Variants in LRRC39 observed in about 807,000 individuals in gnomAD.
The protein encoded by LRRC39 is leucine rich repeat containing 39.
Under a neutral mutation model 39.7 loss-of-function variants are expected in LRRC39, and 35 were observed. The ratio of observed to expected loss-of-function variants is 0.88; its 90% confidence interval spans 0.67 to 1.17. LRRC39 has a LOEUF of 1.17. Ranked by LOEUF, LRRC39 falls within the 50% of genes most tolerant of loss-of-function variation. The pLI is 0.00. For missense variants in LRRC39, 357 were observed against 385.8 expected, an observed-to-expected ratio of 0.93 and a Z score of 0.62; for synonymous variants, 113 against 134.1, an observed-to-expected ratio of 0.84 and a Z score of 1.09.
intron 2 of LRRC39, among the ~76,000 whole-genome samples, chr1:100,170,774 C>T (rs752104764): frequency 6.6e-5 from 10 of 151,848 alleles, no homozygotes; most frequent in Non-Finnish European, 1.3e-4. Context: ...AATATAGTGG[C>T]GGGATATGAC....
intron 9 of LRRC39, among the ~76,000 whole-genome samples, chr1:100,151,126 CAA>C (rs772782982): frequency 6.9e-5 from 3 of 43,668 alleles, no homozygotes; most frequent in East Asian, 9.0e-4. Context: ...AGAAACTCCT[CAA>C]AAAAAAAAAA....
At position 100,156,229 on chromosome 1, in the gene LRRC39, A is replaced by G. The variant is rs140341572; in HGVS notation, c.602T>C (p.Leu201Pro). The change falls in exon 7 of 10, where the codon CTT (leucine) becomes CCT (proline). Residue 201 changes from leucine (L) to proline (P), a missense_variant. Leu to Pro is a moderately conservative substitution (Grantham distance 98). Coordinates refer to ENST00000370137, the MANE Select transcript of LRRC39 (RefSeq NM_144620.4). ...IPLAVLNMPA[L>P]EWLDMGSNKL... ...GTTGCTTCCCATGTCCAGCCACTCA[A>G]GGGCAGGCATGTTCAACACAGCAAG... 1.2e-5 allele frequency: 20 copies of G among 1,613,868 alleles called. No individual in the cohort carries two copies. The African/African-American group carries it at 2.3e-4, about 18-fold the overall frequency.
chr1:100,167,438 GCTAA>G (rs953886163), intron 3 of LRRC39, among the ~76,000 whole-genome samples: 17 of 152,180 alleles, frequency 1.1e-4, no homozygotes, highest in African/African-American at 4.1e-4. Context: ...TTTGTTATTT[GCTAA>G]CTGACATCGG....
chr1:100,163,595 T>TA (rs11455249), intron 3 of LRRC39, among the ~76,000 whole-genome samples: 18,383 of 132,288 alleles, frequency 0.14, 1,482 homozygotes, highest in African/African-American at 0.23. Context: ...CAGCTTTTTC[T>TA]AAAAAAAAAA....
chr1:100,149,052 G>A lies in LRRC39; in HGVS notation c.998C>T (p.Thr333Met), dbSNP rs774133515. The change falls in exon 10 of 10, where the codon ACG becomes ATG. Residue 333 changes from threonine to methionine, a missense_variant. By Grantham distance (81) the Thr-to-Met change is moderately conservative. Coordinates refer to ENST00000370137, the MANE Select transcript of LRRC39 (RefSeq NM_144620.4). ...GSTTLPISIN[T>M]DG ...GCATCTTGAATTATATTATCCATCC[G>A]TATTTATGGAGATTGGTAAAGTAGT... is the stretch of plus-strand genomic sequence containing the variant. 1.7e-5 allele frequency: 27 copies of A among 1,597,590 alleles called. No individual in the cohort carries two copies. The highest frequency in any genetic ancestry group is 1.5e-4 in the South Asian group (13 of 87,676).
intron 2 of LRRC39, among the ~76,000 whole-genome samples, chr1:100,172,546 G>T (rs192759145): frequency 1.4e-4 from 21 of 151,936 alleles, no homozygotes; most frequent in African/African-American, 4.8e-4. Context: ...AAAAAGGCCA[G>T]GCGTGGTGGC....
rs552746078 is a variant in LRRC39, at chr1:100,158,343, A to C, written c.401T>G (p.Leu134Arg). ...CTTGATTTTGTTGTAGCTGAGAATC[A>C]GTTCCTGAAGTCTAGTAAGCAGTCC... The part of the protein sequence containing the change: ...GIGLLTRLQE[L>R]ILSYNKIKTV... Residue 134 changes from leucine to arginine, a missense_variant, in exon 6 of 10, where the codon CTG (leucine) becomes CGG (arginine). Coordinates refer to ENST00000370137, the MANE Select transcript of LRRC39 (RefSeq NM_144620.4). 1 of 1,613,698 alleles carries C rather than the reference A, an allele frequency of 6.2e-7. No individual in the cohort carries two copies. The highest frequency in any genetic ancestry group is 1.7e-5 in the Admixed American group (1 of 60,024).
intron 5 of LRRC39, among the ~76,000 whole-genome samples, chr1:100,158,590 C>T (rs939898716): frequency 3.3e-5 from 5 of 152,170 alleles, no homozygotes; most frequent in African/African-American, 1.2e-4. Flanking sequence ...GCGCCCGCCA[C>T]CGCGCCCAGG....
intron 8 of LRRC39, among the ~76,000 whole-genome samples, chr1:100,154,177 C>T (rs935266749): frequency 6.6e-6 from 1 of 151,752 alleles, no homozygotes; most frequent in African/African-American, 2.4e-5. Flanking sequence ...AACTAAAACC[C>T]AAAAATGTCT....
intron 1 of LRRC39, among the ~76,000 whole-genome samples, chr1:100,176,034 T>A (rs191904054): frequency 3.4e-4 from 52 of 152,346 alleles, no homozygotes; most frequent in Admixed American, 1.6e-3. Flanking sequence ...TTCAAAGGTA[T>A]GTACCTAGAG....
chr1:100,178,945 G>A (rs949483232), upstream of LRRC39, among the ~76,000 whole-genome samples: 3 of 151,886 alleles, frequency 2.0e-5, no homozygotes, highest in African/African-American at 7.2e-5. Flanking sequence ...ATGAATTTAC[G>A]AGCTTAAATA....
chr1:100,179,499 CAAAA>C (rs60588308), upstream of LRRC39, among the ~76,000 whole-genome samples: 5 of 45,618 alleles, frequency 1.1e-4, no homozygotes, highest in East Asian at 8.0e-4. Context: ...CTGTATCTAC[CAAAA>C]AAAAAAAAAA....
chr1:100,165,321 A>G (rs1394670511), intron 3 of LRRC39, among the ~76,000 whole-genome samples: 1 of 152,186 alleles, frequency 6.6e-6, no homozygotes, highest in Admixed American at 6.5e-5. Context: ...AAGCAGTAAG[A>G]AAGGGCAAGA....
At chr1:100,176,438 C>CA (rs952510411) in intron 1 of LRRC39, among the ~76,000 whole-genome samples, 11 of 150,602 alleles carry the variant, frequency 7.3e-5, no homozygotes, top group East Asian at 3.9e-4. Flanking sequence ...CAAAAACAAA[C>CA]AAAAAAAAGG....
At chr1:100,170,437 G>A (rs909866814) in intron 2 of LRRC39, among the ~76,000 whole-genome samples, 12 of 152,136 alleles carry the variant, frequency 7.9e-5, no homozygotes, top group Admixed American at 7.2e-4. Flanking sequence ...TCCAGAATAG[G>A]CAAATCTGTA....
At chr1:100,159,450 C>T in intron 4 of LRRC39, 35 bp from the exon 5 acceptor site, 1 of 1,484,832 alleles carries the variant, frequency 6.7e-7, no homozygotes, top group Non-Finnish European at 9.0e-7. Context: ...TTGTATATTA[C>T]TTAAATTTTT....
intron 9 of LRRC39, chr1:100,149,646 G>A: frequency 7.9e-6 from 3 of 381,866 alleles, no homozygotes; most frequent in South Asian, 4.2e-5. Flanking sequence ...AAAATAATTT[G>A]GAATAAAATA....
At chr1:100,178,862 G>A (rs1289154127), upstream of LRRC39, among the ~76,000 whole-genome samples, 1 of 152,080 alleles carries the variant, frequency 6.6e-6, no homozygotes, top group East Asian at 1.9e-4. Context: ...CAGTAGGGAG[G>A]TTCTCTTCAA....
At chr1:100,151,223 A>G (rs760072689) in intron 9 of LRRC39, among the ~76,000 whole-genome samples, 8 of 151,218 alleles carry the variant, frequency 5.3e-5, no homozygotes, top group African/African-American at 1.7e-4. Flanking sequence ...TCTGTACTTC[A>G]TTCTCCATCT....
Sources: allele counts gnomAD v4.1 joint callset (sites outside exome capture counted in the v4.1 genomes callset), GRCh38; gene constraint gnomAD v4.1.1; transcripts MANE v1.5; gene names NCBI Gene and HGNC (gene_info 2026-07-23, HGNC 2026-07-21).